ANKS1B: variants seen among roughly 807,000 people sequenced by gnomAD.
ANKS1B encodes ankyrin repeat and sterile alpha motif domain-containing protein 1B.
Under a neutral mutation model 148.3 loss-of-function variants are expected in ANKS1B, and 36 were observed. That is an observed-to-expected ratio of 0.24 (90% confidence interval 0.19 to 0.32). The LOEUF (loss-of-function observed/expected upper bound fraction) is 0.32. Among genes scored for constraint, ANKS1B ranks in the 10% least tolerant of loss-of-function variants. The pLI, the probability that ANKS1B is intolerant of heterozygous loss-of-function variation, is 1.00. For synonymous variants in ANKS1B, 542 were observed against 560.8 expected (o/e 0.97, Z 0.47); for missense variants, 1,157 against 1,542.6 (o/e 0.75, Z 4.19).
chr12:99,016,380 G>T (rs1193597058), intron 17 of ANKS1B, among the ~76,000 whole-genome samples: 1 of 152,226 alleles, frequency 6.6e-6, no homozygotes, highest in Non-Finnish European at 1.5e-5. Flanking sequence ...TTCAGTCTGG[G>T]TGCAGTGGCT....
At chr12:98,825,350 A>C (rs560182719) in intron 19 of ANKS1B, among the ~76,000 whole-genome samples, 1 of 152,352 alleles carries the variant, frequency 6.6e-6, no homozygotes, top group African/African-American at 2.4e-5. Flanking sequence ...TATTAATACT[A>C]TTTAGATTGA....
At chr12:99,459,095 G>T (rs550768292) in intron 10 of ANKS1B, among the ~76,000 whole-genome samples, 24 of 152,000 alleles carry the variant, frequency 1.6e-4, no homozygotes, top group African/African-American at 5.8e-4. Flanking sequence ...AGGAATGCAG[G>T]GATGGTTTAA....
rs544516396 is a variant in ANKS1B, at chr12:99,403,357, G to A, written c.1576-3546C>T. On this transcript the variant is annotated intron_variant, in intron 11 of 26. Transcript: ENST00000683438. ...TTTTTAGTAGAGACGGGGTTTTGCC[G>A]TGTTGGTCAGGCTGGTCTTGAACTC... Among the ~76,000 whole-genome samples, 50 of 142,386 alleles carry A rather than the reference G, an allele frequency of 3.5e-4. 10 individuals carry two copies. The highest frequency in any genetic ancestry group is 1.3e-3 in the African/African-American group (48 of 37,128). 93.4% of individuals were successfully genotyped at this position (142,386 alleles called of 152,430 possible). A position where few individuals can be genotyped will look rare whatever the true frequency, so the allele number is the denominator to read the frequency against.
chr12:99,628,216 T>C (rs2098127851), intron 9 of ANKS1B, among the ~76,000 whole-genome samples: 1 of 152,162 alleles, frequency 6.6e-6, no homozygotes, highest in Non-Finnish European at 1.5e-5. Context: ...GCAGTAAAAA[T>C]ACATCATTAT....
intron 17 of ANKS1B, among the ~76,000 whole-genome samples, chr12:98,856,387 A>G (rs1026262319): frequency 1.3e-5 from 2 of 152,216 alleles, no homozygotes; most frequent in African/African-American, 4.8e-5. Context: ...CCTAGCTCTA[A>G]TATGTACAGG....
intron 9 of ANKS1B, 91 bp from the exon 10 acceptor site, chr12:99,504,732 G>A (rs1262254475): frequency 1.0e-6 from 1 of 990,188 alleles, no homozygotes; most frequent in Non-Finnish European, 1.4e-6. Context: ...AGGTTCATTA[G>A]TTCTTTCCAA....
chr12:98,812,212 T>G lies in ANKS1B; in HGVS notation c.3067-4294A>C, dbSNP rs118143288. On this transcript the variant is annotated intron_variant, in intron 19 of 26. Coordinates refer to ENST00000683438, the MANE Select transcript of ANKS1B (RefSeq NM_001352186.2). ...TCACAAGACTACAATACCATATATT[T>G]ACTGTACCTTTTGTGGGGGTTGGAA... 2.8e-4 allele frequency among the ~76,000 whole-genome samples: 42 copies of G among 152,348 alleles called. No individual in the cohort carries two copies. The East Asian group carries it at 6.6e-3, about 24-fold the overall frequency.
intron 12 of ANKS1B, among the ~76,000 whole-genome samples, chr12:99,340,450 G>A (rs2089711516): frequency 6.6e-6 from 1 of 152,052 alleles, no homozygotes; most frequent in Admixed American, 6.6e-5. Context: ...TCTGAGAAAT[G>A]CATCATTAGG....
chr12:99,241,963 G>C (rs536960908), intron 14 of ANKS1B, among the ~76,000 whole-genome samples: 101 of 152,240 alleles, frequency 6.6e-4, no homozygotes, highest in African/African-American at 2.4e-3. Context: ...GCAAAAACTG[G>C]AAGCATTCCC....
chr12:99,943,957 C>T (rs570042610), intron 1 of ANKS1B, among the ~76,000 whole-genome samples: 54 of 152,104 alleles, frequency 3.6e-4, no homozygotes, highest in African/African-American at 1.1e-3. Context: ...CTCCCCTAGC[C>T]CCCACCCCGC....
intron 17 of ANKS1B, among the ~76,000 whole-genome samples, chr12:99,024,531 T>C (rs970024207): frequency 6.6e-6 from 1 of 152,234 alleles, no homozygotes; most frequent in Non-Finnish European, 1.5e-5. Flanking sequence ...TTAGATTGAT[T>C]GGTCATTGGA....
At chr12:99,525,024 A>C (rs2096912727) in intron 9 of ANKS1B, among the ~76,000 whole-genome samples, 2 of 152,216 alleles carry the variant, frequency 1.3e-5, no homozygotes, top group African/African-American at 4.8e-5. Context: ...TAGAGCCTCC[A>C]GAAAGGAAAG....
At position 99,770,930 on chromosome 12, in the gene ANKS1B, C is replaced by T. The variant is rs192446861; in HGVS notation, c.1128+1992G>A. 1.3e-3 allele frequency among the ~76,000 whole-genome samples: 197 copies of T among 152,230 alleles called. 1 individual carries two copies. The highest frequency in any genetic ancestry group is 4.7e-3 in the African/African-American group (196 of 41,550). On this transcript the variant is annotated intron_variant, in intron 8 of 26. Transcript: ENST00000683438. The stretch of plus-strand genomic sequence containing the variant: ...GGAACGAAGAGTGGTGTTAGAAAAG[C>T]ATGAGTTCAGATTTCAAAACCTTAA...
intron 17 of ANKS1B, among the ~76,000 whole-genome samples, chr12:99,036,237 T>C (rs890910727): frequency 7.9e-5 from 12 of 152,168 alleles, no homozygotes; most frequent in Non-Finnish European, 1.5e-4. Context: ...TATATTGCCA[T>C]ATCCTGACAG....
In ANKS1B at chr12:99,352,876, GTCT is replaced by G. The variant is rs1463845780; in HGVS notation, c.1756+46752_1756+46754del. 3.3e-5 allele frequency among the ~76,000 whole-genome samples: 5 copies of G among 152,120 alleles called. No individual in the cohort carries two copies. In the South Asian group the frequency reaches 8.3e-4, roughly 25 times the overall value. ...GTTCTCTAAGTAGTCGAGTTATAGA[GTCT>G]ATTATAGATATAACTAAAGATTCTC... On this transcript the variant is annotated intron_variant, in intron 12 of 26. Coordinates refer to ENST00000683438, the MANE Select transcript of ANKS1B (RefSeq NM_001352186.2).
intron 17 of ANKS1B, among the ~76,000 whole-genome samples, chr12:98,859,909 G>A (rs1294760227): frequency 6.6e-6 from 1 of 152,062 alleles, no homozygotes; most frequent in Non-Finnish European, 1.5e-5. Flanking sequence ...CCTGTTTTGG[G>A]CTCTCATATT....
rs564102618 is a variant in ANKS1B at position 98,996,284 on chromosome 12, G to A, written c.2778+56873C>T. 3.3e-5 allele frequency among the ~76,000 whole-genome samples: 5 copies of A among 152,310 alleles called. No homozygotes were observed. The East Asian group carries it at 7.7e-4, about 24-fold the overall frequency. On this transcript the variant is annotated intron_variant, in intron 17 of 26. Coordinates refer to ENST00000683438, the MANE Select transcript of ANKS1B (RefSeq NM_001352186.2). Reference sequence around the variant, plus strand: ...GTGAAGGGACTCTGGATGTGAATCAGTAGCTACACAAGAACCTTCAGTGTC... The same window carrying A: ...GTGAAGGGACTCTGGATGTGAATCAATAGCTACACAAGAACCTTCAGTGTC...
At chr12:99,678,658 T>A (rs2098596314) in intron 8 of ANKS1B, among the ~76,000 whole-genome samples, 1 of 152,154 alleles carries the variant, frequency 6.6e-6, no homozygotes, top group Non-Finnish European at 1.5e-5. Context: ...AAAAAAAATC[T>A]CTTTTTCTAA....
At chr12:99,857,635 T>G (rs1201900076) in intron 1 of ANKS1B, among the ~76,000 whole-genome samples, 2 of 152,032 alleles carry the variant, frequency 1.3e-5, no homozygotes, top group Non-Finnish European at 2.9e-5. Flanking sequence ...AACCTCAAAC[T>G]ATACTAAAAG....
Sources: gnomAD v4.1 joint callset for allele counts (sites outside exome capture counted in the v4.1 genomes callset) on GRCh38, gnomAD v4.1.1 for gene constraint, MANE v1.5 for transcripts, NCBI Gene and HGNC (gene_info 2026-07-23, HGNC 2026-07-21) for gene names.